The following ANKK1 variants were observed in gnomAD, a reference collection of about 807,000 sequenced individuals.
ANKK1 encodes the protein ankyrin repeat and kinase domain containing 1, also known as ankyrin repeat and protein kinase domain-containing protein 1.
ANKK1 carries 37 observed loss-of-function variants against 37.6 expected under a neutral mutation model. That is an observed-to-expected ratio of 0.98 (90% CI 0.76 to 1.29). The LOEUF (loss-of-function observed/expected upper bound fraction) is 1.29. ANKK1 is among the 50% of genes most tolerant of loss of function. The probability of loss-of-function intolerance (pLI) is 0.00; values close to 1 mark genes in which losing one functional copy is unlikely to be tolerated. For synonymous variants in ANKK1, 415 were observed against 418.7 expected, an observed-to-expected ratio of 0.99 and a Z score of 0.11; for missense variants, 1,019 against 990.6, an observed-to-expected ratio of 1.03 and a Z score of -0.39.
intron 2 of ANKK1, chr11:113,394,582 C>T: frequency 2.4e-6 from 1 of 422,852 alleles, no homozygotes; most frequent in South Asian, 1.8e-5. Flanking sequence ...CCGAAGGTGG[C>T]AACTTCATTC....
chr11:113,392,445 GT>G (rs901432725), intron 1 of ANKK1, among the ~76,000 whole-genome samples: 1 of 152,218 alleles, frequency 6.6e-6, no homozygotes, highest in Non-Finnish European at 1.5e-5. Context: ...AGAGCATGTG[GT>G]TTTTCCTGAA....
intron 2 of ANKK1, 140 bp downstream of exon 2, chr11:113,393,915 A>G: frequency 3.7e-6 from 4 of 1,079,382 alleles, no homozygotes; most frequent in Non-Finnish European, 5.2e-6. Context: ...CAGGGATCAC[A>G]CTGCAATAGA....
chr11:113,390,197 C>T (rs1950576920), intron 1 of ANKK1, among the ~76,000 whole-genome samples: 1 of 152,192 alleles, frequency 6.6e-6, no homozygotes, highest in African/African-American at 2.4e-5. Context: ...TTGGTCACAG[C>T]TCTGTCTCCT....
chr11:113,400,087 C>A lies in ANKK1; in HGVS notation c.2118C>A (p.Ala706=). Residue 706 remains alanine (A), a synonymous_variant, in exon 8 of 8, where the codon GCC becomes GCA. Transcript: ENST00000303941. The part of the protein sequence containing the change: ...AHLAALKGNT[A]ILKVLVEAGA... ...TGGCCGCCCTCAAGGGCAACACAGC[C>A]ATCCTCAAAGTGCTGGTCGAGGCAG... 2 of 1,613,484 alleles carry A rather than the reference C, an allele frequency of 1.2e-6. No individual in the cohort carries two copies. The highest frequency in any genetic ancestry group is 8.5e-7 in the Non-Finnish European group (1 of 1,179,836).
Position 113,395,002 on chromosome 11 carries a change from G to C in ANKK1, c.554G>C (p.Arg185Pro). The C allele has an allele frequency of 1.2e-6, 2 of 1,613,394 alleles. No homozygotes were observed. Among genetic ancestry groups the C allele is most frequent in the Non-Finnish European group, 1.7e-6 (2 of 1,179,690 alleles). The change falls in exon 3 of 8, where the codon CGG (arginine) becomes CCG (proline). Residue 185 changes from arginine (R) to proline (P), a missense_variant. Arg to Pro is a moderately radical substitution (Grantham distance 103). Coordinates refer to ENST00000303941, the MANE Select transcript of ANKK1 (RefSeq NM_178510.2). Reference protein sequence around the residue: ...RMQYIERSALRGMLSYIPPEM... With the variant: ...RMQYIERSALPGMLSYIPPEM... ...CAGTACATCGAGAGGTCGGCTCTGC[G>C]GGGCATGCTCAGCTACATCCCCCCT...
intron 1 of ANKK1, among the ~76,000 whole-genome samples, chr11:113,391,886 G>A (rs1950590255): frequency 6.6e-6 from 1 of 152,136 alleles, no homozygotes; most frequent in Non-Finnish European, 1.5e-5. Flanking sequence ...TAGGAGAAAA[G>A]CAGGAGAATG....
intron 1 of ANKK1, among the ~76,000 whole-genome samples, chr11:113,388,761 TTC>T (rs1404676502): frequency 1.3e-5 from 2 of 152,254 alleles, no homozygotes; most frequent in Non-Finnish European, 2.9e-5. Flanking sequence ...GTTTCCATTA[TTC>T]TCTGTCTTCC....
Position 113,394,955 on chromosome 11 carries a change from G to A in ANKK1, c.507G>A (p.Trp169Ter), listed in dbSNP as rs1485814495. The A allele has an allele frequency of 1.2e-6, 2 of 1,612,822 alleles. No homozygotes were observed. The highest frequency in any genetic ancestry group is 1.7e-6 in the Non-Finnish European group (2 of 1,179,256). The change falls in exon 3 of 8, where the codon TGG becomes TGA. Residue 169 changes from tryptophan to a stop codon, truncating the protein, a stop_gained. Transcript: ENST00000303941. LOFTEE classifies it high-confidence loss of function. Reference sequence around the variant, plus strand: ...TTTCAGACTTCGGCCTGTCCAAGTGGATGGAACAGTCCACCCGGATGCAGT... The same window carrying A: ...TTTCAGACTTCGGCCTGTCCAAGTGAATGGAACAGTCCACCCGGATGCAGT... Reference protein sequence around the residue: ...VKISDFGLSKWMEQSTRMQYI... With the variant: ...VKISDFGLSK
chr11:113,390,834 AT>A (rs1180071211), intron 1 of ANKK1, among the ~76,000 whole-genome samples: 3 of 152,222 alleles, frequency 2.0e-5, no homozygotes, highest in Non-Finnish European at 4.4e-5. Context: ...CATGAAGCTT[AT>A]AGTCTAAAGG....
At chr11:113,394,466 A>C (rs1021164804) in intron 2 of ANKK1, among the ~76,000 whole-genome samples, 1 of 152,132 alleles carries the variant, frequency 6.6e-6, no homozygotes, top group Non-Finnish European at 1.5e-5. Context: ...CCTGGCCCTC[A>C]ATGCATGGCC....
Position 113,399,736 on chromosome 11 carries a change from C to A in ANKK1, c.1767C>A (p.Pro589=). Residue 589 remains proline, a synonymous_variant, in exon 8 of 8, where the codon CCC becomes CCA. Coordinates refer to ENST00000303941, the MANE Select transcript of ANKK1 (RefSeq NM_178510.2). The stretch of plus-strand genomic sequence containing the variant: ...GGTACGGAGCCAGCCTTGAGCTGCC[C>A]ACCCACCAGGGCTGGACACCCCTGC... ...LLRYGASLEL[P]THQGWTPLHL... 1 of 1,602,116 alleles carries A rather than the reference C, an allele frequency of 6.2e-7. No homozygotes were observed. The highest frequency in any genetic ancestry group is 8.5e-7 in the Non-Finnish European group (1 of 1,174,522).
At chr11:113,394,382 G>T (rs1950618906) in intron 2 of ANKK1, among the ~76,000 whole-genome samples, 1 of 152,202 alleles carries the variant, frequency 6.6e-6, no homozygotes, top group Admixed American at 6.5e-5. Flanking sequence ...TATTTACGAG[G>T]ATATGGAGTG....
chr11:113,398,969 G>A lies in ANKK1; in HGVS notation c.1000G>A (p.Gly334Arg). The A allele has an allele frequency of 6.4e-6, 10 of 1,572,040 alleles. No homozygotes were observed. The highest frequency in any genetic ancestry group is 8.6e-6 in the Non-Finnish European group (10 of 1,157,692). ...CCCCATCTTTCTCCCAGCAGACTCA[G>A]GAAACTACCTGAAGCGGGCCCTTCA... ...ISQELMDSDS[G>R]NYLKRALQLS... is the part of the protein sequence containing the mutation. Residue 334 changes from glycine (G) to arginine (R), a missense_variant, in exon 8 of 8, where the codon GGA becomes AGA. Coordinates refer to ENST00000303941, the MANE Select transcript of ANKK1 (RefSeq NM_178510.2).
At position 113,396,742 on chromosome 11, in the gene ANKK1, G is replaced by A. The variant is rs78124723; in HGVS notation, c.839-482G>A. 5.6e-3 allele frequency among the ~76,000 whole-genome samples: 857 copies of A among 152,274 alleles called. 9 individuals carry two copies. The highest frequency in any genetic ancestry group is 0.019 in the African/African-American group (794 of 41,544). On this transcript the variant is annotated intron_variant, in intron 5 of 7. Coordinates refer to ENST00000303941, the MANE Select transcript of ANKK1 (RefSeq NM_178510.2). ...GGGTCTGGGCTCTGTGTGTGTTAAT[G>A]CATGTCCCTGTGGGAGGTGGAGTAG...
At chr11:113,395,251 GCT>G (rs1314812568) in intron 3 of ANKK1, 106 bp from the exon 4 acceptor site, 6 of 1,523,418 alleles carry the variant, frequency 3.9e-6, no homozygotes, top group Non-Finnish European at 5.4e-6. Context: ...GGCCGGTGAG[GCT>G]TGCCTGGGAC....
intron 1 of ANKK1, among the ~76,000 whole-genome samples, chr11:113,390,152 T>G (rs1475209000): frequency 6.6e-6 from 1 of 152,158 alleles, no homozygotes; most frequent in African/African-American, 2.4e-5. Flanking sequence ...GAATGGAGGA[T>G]CCACTAAAAT....
At chr11:113,395,924 G>C in intron 4 of ANKK1, 143 bp from the exon 5 acceptor site, 7 of 951,394 alleles carry the variant, frequency 7.4e-6, no homozygotes, top group Non-Finnish European at 1.1e-5. Flanking sequence ...TTGGTTGAAA[G>C]TCTAGCTGTT....
In ANKK1 at chr11:113,393,733, C is replaced by T; in HGVS notation, c.438C>T (p.Leu146=). The change falls in exon 2 of 8, where the codon CTC becomes CTT. Residue 146 remains leucine (L), a synonymous_variant. Transcript: ENST00000303941. ...SIKPPLLHLD[L]KPGNILLDSN... is the part of the protein sequence containing the mutation. ...AGCCGCCTCTGCTCCACCTGGACCT[C>T]AAGCCGGGCAACATACTCCTGGACA... 6.2e-7 allele frequency: 1 copy of T among 1,612,746 alleles called. No homozygotes were observed. Among genetic ancestry groups the T allele is most frequent in the Non-Finnish European group, 8.5e-7 (1 of 1,179,792 alleles).
At chr11:113,396,029 C>T (rs1565651393) in intron 4 of ANKK1, 38 bp from the exon 5 acceptor site, 1 of 1,605,634 alleles carries the variant, frequency 6.2e-7, no homozygotes, top group Non-Finnish European at 8.5e-7. Context: ...TCCAGCCCTA[C>T]CTCTCAGCAC....
Sources: gnomAD v4.1 joint callset for allele counts (sites outside exome capture counted in the v4.1 genomes callset) on GRCh38, gnomAD v4.1.1 for gene constraint, MANE v1.5 for transcripts, NCBI Gene and HGNC (gene_info 2026-07-23, HGNC 2026-07-21) for gene names.